LRRC75A: variants seen among roughly 807,000 people sequenced by gnomAD.
The protein encoded by LRRC75A is leucine rich repeat containing 75A.
Under a neutral mutation model 26.0 loss-of-function variants are expected in LRRC75A, and 12 were observed. The ratio of observed to expected loss-of-function variants is 0.46; its 90% confidence interval spans 0.30 to 0.75. The LOEUF is 0.75. Among genes scored for constraint, LRRC75A ranks in the 30% least tolerant of loss-of-function variants. The pLI is 0.08. For missense variants in LRRC75A, 410 were observed against 486.6 expected, an observed-to-expected ratio of 0.84 and a Z score of 1.48; for synonymous variants, 223 against 219.3, an observed-to-expected ratio of 1.02 and a Z score of -0.15.
chr17:16,466,265 G>A (rs1033570161), intron 1 of LRRC75A, among the ~76,000 whole-genome samples: 1 of 152,182 alleles, frequency 6.6e-6, no homozygotes, highest in African/African-American at 2.4e-5. Context: ...GGTGTCTCAG[G>A]AGGCTGCAGC....
intron 1 of LRRC75A, among the ~76,000 whole-genome samples, chr17:16,466,501 C>T (rs897820444): frequency 6.6e-6 from 1 of 152,170 alleles, no homozygotes; most frequent in African/African-American, 2.4e-5. Flanking sequence ...AGGACAATCC[C>T]ATTTTCCTCA....
At chr17:16,464,175 A>T (rs547299900) in intron 1 of LRRC75A, among the ~76,000 whole-genome samples, 1 of 152,242 alleles carries the variant, frequency 6.6e-6, no homozygotes, top group African/African-American at 2.4e-5. Flanking sequence ...GCAGGAATGA[A>T]CCTTGGAGGC....
Position 16,491,515 on chromosome 17 carries a change from C to T in LRRC75A, c.246+230G>A, listed in dbSNP as rs950321244. 9.2e-5 allele frequency among the ~76,000 whole-genome samples: 14 copies of T among 152,236 alleles called. No homozygotes were observed. Among genetic ancestry groups the T allele is most frequent in the Non-Finnish European group, 1.9e-4 (13 of 68,036 alleles). On this transcript the variant is annotated intron_variant, in intron 1 of 3. Coordinates refer to ENST00000470794, the MANE Select transcript of LRRC75A (RefSeq NM_001113567.3). This position sits in a 1 kb window ranked among gnomAD's most constrained non-coding sequence, Gnocchi z 5.9. ...AGTGGGGACATTATGCCAACAGGTC[C>T]CCTTCGGCGGGCCTCACCCGGCCAG...
chr17:16,451,935 C>G (rs1568954302), intron 2 of LRRC75A, among the ~76,000 whole-genome samples: 4 of 150,454 alleles, frequency 2.7e-5, no homozygotes, highest in African/African-American at 9.8e-5. Context: ...TTAGTAGAGA[C>G]GGGGGGTCTC....
At chr17:16,455,238 G>A (rs908216874) in intron 2 of LRRC75A, among the ~76,000 whole-genome samples, 2 of 151,966 alleles carry the variant, frequency 1.3e-5, no homozygotes, top group Non-Finnish European at 2.9e-5. Context: ...TCACCTGAGC[G>A]TCTTCATTTC....
Position 16,491,734 on chromosome 17 carries a change from C to A in LRRC75A, c.246+11G>T. The stretch of plus-strand genomic sequence containing the variant: ...CCCGGCGCGCCCCCCGCGCCCCCTC[C>A]CCGCGCTCACCTGGCGCAGGTGCTG... On this transcript the variant is annotated intron_variant, in intron 1 of 3. Transcript: ENST00000470794. This position sits in a 1 kb window ranked among gnomAD's most constrained non-coding sequence, Gnocchi z 5.9. The A allele has an allele frequency of 7.4e-7, 1 of 1,350,646 alleles. No individual in the cohort carries two copies. Among genetic ancestry groups the A allele is most frequent in the Non-Finnish European group, 9.5e-7 (1 of 1,055,352 alleles). The allele number at this position is 1,350,646 out of a possible 1,614,324, so 83.7% of individuals were successfully genotyped here. A position where few individuals can be genotyped will look rare whatever the true frequency, so the allele number is the denominator to read the frequency against.
chr17:16,487,812 A>T (rs535105075), intron 1 of LRRC75A, among the ~76,000 whole-genome samples: 21 of 152,318 alleles, frequency 1.4e-4, no homozygotes, highest in African/African-American at 5.1e-4. Context: ...CACCCCAGAC[A>T]GCAGCAGGAA....
intron 1 of LRRC75A, among the ~76,000 whole-genome samples, chr17:16,486,157 C>T (rs887817733): frequency 5.3e-5 from 8 of 152,134 alleles, no homozygotes; most frequent in Admixed American, 3.9e-4. Context: ...CAGAAAAGCA[C>T]GCATGGCAAT....
chr17:16,448,089 GGC>G (rs1437991589), intron 2 of LRRC75A, 129 bp from the exon 3 acceptor site: 1 of 800,876 alleles, frequency 1.2e-6, no homozygotes, highest in Non-Finnish European at 2.1e-6. Context: ...CTGCTCTGCT[GGC>G]CTAGGGTGGG....
At chr17:16,451,570 C>A (rs560044851) in intron 2 of LRRC75A, among the ~76,000 whole-genome samples, 2 of 149,796 alleles carry the variant, frequency 1.3e-5, no homozygotes, top group Admixed American at 1.3e-4. Context: ...TACAGTGAGC[C>A]GAGATCGCAC....
chr17:16,484,437 G>A (rs906443617), intron 1 of LRRC75A, among the ~76,000 whole-genome samples: 2 of 152,198 alleles, frequency 1.3e-5, no homozygotes, highest in African/African-American at 4.8e-5. Context: ...AAAGCCATGT[G>A]CAGATTGGGG....
intron 1 of LRRC75A, among the ~76,000 whole-genome samples, chr17:16,471,801 G>A (rs565449621): frequency 6.6e-6 from 1 of 152,278 alleles, no homozygotes; most frequent in South Asian, 2.1e-4. Context: ...AGCTCGGAAC[G>A]AGAGGACAAA....
intron 3 of LRRC75A, chr17:16,446,929 G>A (rs2093590823): frequency 6.1e-6 from 2 of 326,232 alleles, no homozygotes; most frequent in Admixed American, 4.4e-5. Context: ...TCTCCTAGTT[G>A]TGGGTGGGGG....
chr17:16,446,019 C>T (rs904485921), intron 3 of LRRC75A, among the ~76,000 whole-genome samples: 5 of 152,258 alleles, frequency 3.3e-5, no homozygotes, highest in Admixed American at 1.3e-4. Context: ...AGTGATTCTC[C>T]TGCCTCAGCC....
At chr17:16,445,157 C>CT (rs1568945769) in intron 3 of LRRC75A, among the ~76,000 whole-genome samples, 2 of 91,566 alleles carry the variant, frequency 2.2e-5, no homozygotes, top group Admixed American at 1.3e-4. Flanking sequence ...CCATTTTCTG[C>CT]ATTTTTTTTT....
intron 1 of LRRC75A, chr17:16,478,536 G>C (rs907664846): frequency 2.0e-5 from 3 of 152,124 alleles, no homozygotes; most frequent in African/African-American, 7.2e-5. Flanking sequence ...TCCCTGCTCC[G>C]TGTGCCCATT....
At chr17:16,459,391 A>AC (rs2093710050) in intron 2 of LRRC75A, among the ~76,000 whole-genome samples, 1 of 152,160 alleles carries the variant, frequency 6.6e-6, no homozygotes, top group Non-Finnish European at 1.5e-5. Context: ...TGAACTCAGG[A>AC]GAAGGCAACT....
chr17:16,478,603 T>G (rs544895944), intron 1 of LRRC75A: 12 of 152,336 alleles, frequency 7.9e-5, no homozygotes, highest in Admixed American at 7.2e-4. Flanking sequence ...CCCTAAGACA[T>G]GCGACACCAA....
chr17:16,472,042 A>G (rs2093808007), intron 1 of LRRC75A, among the ~76,000 whole-genome samples: 1 of 152,208 alleles, frequency 6.6e-6, no homozygotes, highest in South Asian at 2.1e-4. Flanking sequence ...CTGTGCACCT[A>G]AAATGGTTAA....
Sources: gnomAD v4.1 joint callset for allele counts (sites outside exome capture counted in the v4.1 genomes callset) on GRCh38, gnomAD v4.1.1 for gene constraint, Gnocchi (gnomAD v3.1) non-coding constraint, MANE v1.5 for transcripts, NCBI Gene and HGNC (gene_info 2026-07-23, HGNC 2026-07-21) for gene names.